FGF12: variants seen among roughly 807,000 people sequenced by gnomAD.
FGF12 encodes the protein fibroblast growth factor 12B.
A neutral mutation model predicts 23.6 loss-of-function variants in FGF12; 14 were observed. That is an observed-to-expected ratio of 0.59 (90% CI 0.39 to 0.93). The LOEUF (loss-of-function observed/expected upper bound fraction) is 0.93. Ranked by LOEUF, FGF12 falls within the 40% of genes least tolerant of loss-of-function variation. The pLI is 0.00. For synonymous variants in FGF12, 62 were observed against 77.3 expected, an observed-to-expected ratio of 0.80 and a Z score of 1.04; for missense variants, 175 against 217.8, an observed-to-expected ratio of 0.80 and a Z score of 1.24.
intron 2 of FGF12, among the ~76,000 whole-genome samples, chr3:192,684,770 T>C (rs1023390932): frequency 6.6e-6 from 1 of 152,238 alleles, no homozygotes; most frequent in Non-Finnish European, 1.5e-5. Flanking sequence ...CACTTTTTCT[T>C]TATCCATTCA....
At chr3:192,206,711 G>A (rs1717666658) in intron 4 of FGF12, among the ~76,000 whole-genome samples, 1 of 152,094 alleles carries the variant, frequency 6.6e-6, no homozygotes, top group African/African-American at 2.4e-5. Context: ...TGGATGATGG[G>A]GACCCTACCT....
At chr3:192,175,878 A>G (rs1715830808) in intron 4 of FGF12, among the ~76,000 whole-genome samples, 1 of 152,088 alleles carries the variant, frequency 6.6e-6, no homozygotes, top group Non-Finnish European at 1.5e-5. Flanking sequence ...ATTCCTCTCC[A>G]ACACTGAATT....
intron 2 of FGF12, among the ~76,000 whole-genome samples, chr3:192,477,161 C>T (rs1472828066): frequency 2.0e-5 from 3 of 152,102 alleles, no homozygotes; most frequent in Admixed American, 6.6e-5. Context: ...CAGAAGGCAG[C>T]GGTGACATTC....
At chr3:192,508,607 T>A (rs989863053) in intron 2 of FGF12, among the ~76,000 whole-genome samples, 1 of 152,222 alleles carries the variant, frequency 6.6e-6, no homozygotes, top group Non-Finnish European at 1.5e-5. Context: ...ATCACATAGA[T>A]AACTTTGCAG....
At chr3:192,362,550 G>A (rs1718781836) in intron 2 of FGF12, among the ~76,000 whole-genome samples, 1 of 152,144 alleles carries the variant, frequency 6.6e-6, no homozygotes, top group African/African-American at 2.4e-5. Flanking sequence ...CTACCTGGCT[G>A]ACAGGCAGCT....
intron 2 of FGF12, among the ~76,000 whole-genome samples, chr3:192,611,361 G>A (rs932306327): frequency 3.9e-5 from 6 of 151,974 alleles, no homozygotes; most frequent in Non-Finnish European, 5.9e-5. Context: ...TGTTATCAGG[G>A]ATTGTCTTTT....
chr3:192,249,806 A>G (rs370440264), intron 4 of FGF12, among the ~76,000 whole-genome samples: 7 of 152,288 alleles, frequency 4.6e-5, no homozygotes, highest in South Asian at 4.2e-4. Context: ...TGTCTGAACA[A>G]TGAGGCAATC....
In FGF12 at chr3:192,345,514, C is replaced by T. The variant is rs1177468759; in HGVS notation, c.125-10050G>A. Among the ~76,000 whole-genome samples, 5 of 96,400 alleles carry T rather than the reference C, an allele frequency of 5.2e-5. 2 individuals carry two copies. The highest frequency in any genetic ancestry group is 1.6e-4 in the African/African-American group (2 of 12,804). 63.2% of individuals were successfully genotyped at this position (96,400 alleles called of 152,430 possible). On this transcript the variant is annotated intron_variant, in intron 3 of 5. Transcript: ENST00000445105. ...CATCCTGGCTAACACGGTGAAACCC[C>T]GTCTCTACTAAAAATACAAAAAATT...
chr3:192,203,602 C>G (rs1717491879), intron 4 of FGF12, among the ~76,000 whole-genome samples: 1 of 139,988 alleles, frequency 7.1e-6, no homozygotes, highest in Admixed American at 7.5e-5. Context: ...GGGTCTTACT[C>G]TGACACCCCA....
At chr3:192,713,450 G>A (rs1381020516) in intron 2 of FGF12, among the ~76,000 whole-genome samples, 3 of 152,144 alleles carry the variant, frequency 2.0e-5, no homozygotes, top group African/African-American at 7.2e-5. Context: ...AAAATAGCAA[G>A]TAAAAACAGA....
In FGF12 at chr3:192,141,789, G is replaced by A. The variant is rs561582128; in HGVS notation, c.*2220C>T. On this transcript the variant is annotated 3_prime_UTR_variant, in exon 6 of 6. Transcript: ENST00000445105. ...CAATTGTGTTATTTATGAAACCATC[G>A]TTTTACTGATGAGTGTGTATGTGTA... The A allele has an allele frequency of 2.8e-5, 3 of 105,560 alleles. No homozygotes were observed. Among genetic ancestry groups the A allele is most frequent in the South Asian group, 3.3e-4 (1 of 2,994 alleles). 6.5% of individuals were successfully genotyped at this position (105,560 alleles called of 1,614,324 possible).
intron 4 of FGF12, among the ~76,000 whole-genome samples, chr3:192,322,798 C>A (rs1052537011): frequency 1.3e-5 from 2 of 152,034 alleles, no homozygotes; most frequent in Non-Finnish European, 2.9e-5. Flanking sequence ...TATCCACATG[C>A]AGAAAAATGA....
At chr3:192,241,177 G>T (rs1425005941) in intron 4 of FGF12, among the ~76,000 whole-genome samples, 1 of 152,138 alleles carries the variant, frequency 6.6e-6, no homozygotes, top group Non-Finnish European at 1.5e-5. Flanking sequence ...TGAACAGAAA[G>T]ATATTTTTGG....
At chr3:192,194,583 A>G (rs1409307005) in intron 4 of FGF12, among the ~76,000 whole-genome samples, 1 of 152,212 alleles carries the variant, frequency 6.6e-6, no homozygotes, top group East Asian at 1.9e-4. Context: ...ACCTAAAAAT[A>G]AAATAGTATA....
chr3:192,711,532 G>T (rs914029196), intron 2 of FGF12, among the ~76,000 whole-genome samples: 1 of 152,216 alleles, frequency 6.6e-6, no homozygotes, highest in East Asian at 1.9e-4. Flanking sequence ...AAAAGATAGA[G>T]AAATCAGATT....
intron 2 of FGF12, among the ~76,000 whole-genome samples, chr3:192,664,083 A>G (rs981948144): frequency 3.3e-5 from 5 of 152,222 alleles, no homozygotes; most frequent in African/African-American, 1.2e-4. Flanking sequence ...ACCTTTCTCA[A>G]GATACGTGGA....
intron 2 of FGF12, among the ~76,000 whole-genome samples, chr3:192,392,467 A>G (rs1720338834): frequency 6.8e-6 from 1 of 147,114 alleles, no homozygotes; most frequent in Non-Finnish European, 1.5e-5. Context: ...ATGGTGGCGC[A>G]TGCCTGTAAT....
chr3:192,407,363 T>A (rs754059885), intron 2 of FGF12, among the ~76,000 whole-genome samples: 1 of 151,640 alleles, frequency 6.6e-6, no homozygotes, highest in Non-Finnish European at 1.5e-5. Context: ...ATGAGCAGAG[T>A]CCTTGGAAAC....
chr3:192,268,776 A>G (rs1174787559), intron 4 of FGF12: 1 of 382,402 alleles, frequency 2.6e-6, no homozygotes, highest in Non-Finnish European at 5.3e-6. Flanking sequence ...TATTGTCTTC[A>G]TAAATTACCC....
Sources: allele counts gnomAD v4.1 joint callset (sites outside exome capture counted in the v4.1 genomes callset), GRCh38; gene constraint gnomAD v4.1.1; transcripts MANE v1.5; gene names NCBI Gene and HGNC (gene_info 2026-07-23, HGNC 2026-07-21).